FREY1: variants seen among roughly 807,000 people sequenced by gnomAD.
FREY1 encodes the protein Frey regulator of sperm-oocyte fusion 1.
At chr11:45,907,241 A>T in the FREY1 span, 1 of 1,548,200 alleles carries the variant, frequency 6.5e-7, no homozygotes, top group South Asian at 1.2e-5. Flanking sequence ...CATGGCGAGA[A>T]CCATCTCCTA....
chr11:45,907,030 C>T, the FREY1 span: 3 of 1,563,230 alleles, frequency 1.9e-6, no homozygotes, highest in Admixed American at 1.7e-5. Flanking sequence ...TGTGGGGGCA[C>T]TTGGCAAGCC....
the FREY1 span, chr11:45,906,730 T>G: frequency 6.3e-7 from 1 of 1,575,624 alleles, no homozygotes; most frequent in Non-Finnish European, 8.6e-7. Flanking sequence ...AGGGGGCAGC[T>G]GGCTCTGATG....
chr11:45,906,754 C>T, the FREY1 span: 15 of 1,594,114 alleles, frequency 9.4e-6, no homozygotes, highest in South Asian at 1.0e-4. Flanking sequence ...CTGAAGTCAC[C>T]CTTGAACAGA....
chr11:45,907,242 C>T, the FREY1 span: 1 of 1,548,026 alleles, frequency 6.5e-7, no homozygotes, highest in South Asian at 1.2e-5. Flanking sequence ...ATGGCGAGAA[C>T]CATCTCCTAC....
the FREY1 span, chr11:45,907,048 G>GC: frequency 4.5e-6 from 7 of 1,538,796 alleles, no homozygotes; most frequent in Non-Finnish European, 6.3e-6. Flanking sequence ...GCCCTCGAAC[G>GC]CCCAGGGTAC....
the FREY1 span, chr11:45,906,749 G>A: frequency 1.3e-6 from 2 of 1,584,120 alleles, no homozygotes; most frequent in East Asian, 2.2e-5. Context: ...TGGAACTGAA[G>A]TCACCCTTGA....
chr11:45,906,994 T>A, the FREY1 span: 17 of 1,599,030 alleles, frequency 1.1e-5, no homozygotes, highest in East Asian at 2.2e-5. Flanking sequence ...CACCGCCACC[T>A]CCTTGTGAAT....
chr11:45,906,811 C>T, the FREY1 span: 1 of 1,610,634 alleles, frequency 6.2e-7, no homozygotes, highest in South Asian at 1.1e-5. Context: ...TGGGGCACCT[C>T]TTAGGGGCGT....
At chr11:45,906,903 C>T in the FREY1 span, 4 of 1,613,706 alleles carry the variant, frequency 2.5e-6, no homozygotes, top group Non-Finnish European at 3.4e-6. Flanking sequence ...GCGAGAGTTC[C>T]AGGGGGGCGG....
At chr11:45,907,066 A>G in the FREY1 span, 1 of 1,516,830 alleles carries the variant, frequency 6.6e-7, no homozygotes, top group Non-Finnish European at 9.0e-7. Context: ...TACCAGGGCC[A>G]GCCCCACTCC....
chr11:45,907,254 C>T, the FREY1 span: 156 of 1,536,446 alleles, frequency 1.0e-4, no homozygotes, highest in African/African-American at 1.6e-3. Context: ...ATCTCCTACA[C>T]GGGTCCTGGC....
At chr11:45,906,755 C>T in the FREY1 span, 1,569 of 1,594,584 alleles carry the variant, frequency 9.8e-4, 17 homozygotes, top group African/African-American at 0.018. Flanking sequence ...TGAAGTCACC[C>T]TTGAACAGAT....
the FREY1 span, chr11:45,906,857 G>A: frequency 3.7e-6 from 6 of 1,613,628 alleles, no homozygotes; most frequent in African/African-American, 8.0e-5. Context: ...AAGGGGACAA[G>A]AGAGATACTA....
At chr11:45,907,213 G>T in the FREY1 span, 2 of 1,555,086 alleles carry the variant, frequency 1.3e-6, no homozygotes, top group Admixed American at 3.9e-5. Flanking sequence ...GCCCAGCCCG[G>T]GGGTGCAGAG....
chr11:45,906,703 AAG>A, the FREY1 span: 2 of 1,578,430 alleles, frequency 1.3e-6, no homozygotes, highest in African/African-American at 1.4e-5. Context: ...AAAGAGAGAA[AAG>A]AGGGCATGGG....
chr11:45,906,819 C>A, the FREY1 span: 41 of 1,610,456 alleles, frequency 2.5e-5, no homozygotes, highest in Non-Finnish European at 3.4e-5. Context: ...CTCTTAGGGG[C>A]GTCTCCACTG....
the FREY1 span, chr11:45,906,763 G>C: frequency 2.5e-6 from 4 of 1,597,910 alleles, no homozygotes; most frequent in South Asian, 3.4e-5. Flanking sequence ...CCCTTGAACA[G>C]ATGTGGTTTG....
the FREY1 span, chr11:45,907,213 G>A: frequency 1.3e-6 from 2 of 1,555,204 alleles, no homozygotes; most frequent in Non-Finnish European, 8.7e-7. Context: ...GCCCAGCCCG[G>A]GGGTGCAGAG....
the FREY1 span, chr11:45,906,679 G>A: frequency 3.3e-4 from 529 of 1,585,432 alleles, 1 homozygote; most frequent in Non-Finnish European, 4.2e-4. Context: ...TGCTTGGGGA[G>A]GATGCCATAG....
Sources: gnomAD v4.1 joint callset for allele counts on GRCh38, gnomAD v4.1.1 for gene constraint, MANE v1.5 for transcripts, NCBI Gene and HGNC (gene_info 2026-07-23, HGNC 2026-07-21) for gene names.